PLEKHN1: variants seen among roughly 807,000 people sequenced by gnomAD.
The protein encoded by PLEKHN1 is pleckstrin homology domain containing N1.
A neutral mutation model predicts 72.8 loss-of-function variants in PLEKHN1; 68 were observed. The observed-to-expected ratio is 0.93, with a 90% CI of 0.77 to 1.14. The LOEUF (loss-of-function observed/expected upper bound fraction) is 1.14, where lower values mean the gene tolerates loss of function less well. PLEKHN1 is among the 50% of genes most tolerant of loss of function. PLEKHN1 has a pLI of 0.00. For missense variants in PLEKHN1, 1,015 were observed against 840.5 expected (o/e 1.21, Z -2.57); for synonymous variants, 454 against 371.6 (o/e 1.22, Z -2.55).
In PLEKHN1 at chr1:973,969, G is replaced by T; in HGVS notation, c.1571G>T (p.Gly524Val). 6.2e-7 allele frequency: 1 copy of T among 1,609,708 alleles called. No homozygotes were observed. ...GGCCCCTACTTGCTCTCCAAGAAGG[G>T]AGCCCTGCAGTCCAGAGCCGCTCAG... ...PAGPYLLSKK[G>V]ALQSRAAQRH... Residue 524 changes from glycine (G) to valine (V), a missense_variant, in exon 14 of 16, where the codon GGA (glycine) becomes GTA (valine). Coordinates refer to ENST00000379410, the MANE Select transcript of PLEKHN1 (RefSeq NM_032129.3).
chr1:968,246 G>C (rs945262956), intron 2 of PLEKHN1, among the ~76,000 whole-genome samples: 4 of 152,250 alleles, frequency 2.6e-5, no homozygotes, highest in African/African-American at 9.6e-5. Context: ...TCCTGGGCCT[G>C]CTCAGGGGCA....
intron 8 of PLEKHN1, 136 bp downstream of exon 8, chr1:971,540 T>A (rs1190194488): frequency 2.5e-6 from 2 of 812,484 alleles, no homozygotes; most frequent in Non-Finnish European, 4.0e-6. Context: ...CAGCCCGCGG[T>A]CCTGGTCAGT....
In PLEKHN1 at chr1:974,744, C is replaced by T. The variant is rs945400649; in HGVS notation, c.*169C>T. On this transcript the variant is annotated 3_prime_UTR_variant, in exon 16 of 16. Transcript: ENST00000379410. ...CTCAGCTCCTGTTCCTTGGTGCCAG[C>T]AGCTGGGGCAGGGAAGGGTGGGAGG... 12 of 852,606 alleles carry T rather than the reference C, an allele frequency of 1.4e-5. No homozygotes were observed. The African/African-American group carries it at 2.1e-4, about 15-fold the overall frequency. 52.8% of individuals were successfully genotyped at this position (852,606 alleles called of 1,614,324 possible).
In PLEKHN1 at chr1:966,820, C is replaced by T. The variant is rs757873932; in HGVS notation, c.183+17C>T. The T allele has an allele frequency of 1.2e-5, 18 of 1,544,940 alleles. No individual in the cohort carries two copies. The highest frequency in any genetic ancestry group is 4.8e-5 in the South Asian group (4 of 83,778). On this transcript the variant is annotated intron_variant, in intron 2 of 15. Transcript: ENST00000379410. The stretch of plus-strand genomic sequence containing the variant: ...CCGGGCACGGTGAGCGCGGCGTGCA[C>T]GGTGGCTGTGGTCTGGGAGCGTGGC...
At chr1:974,103 G>A in intron 14 of PLEKHN1, 52 bp downstream of exon 14, 1 of 1,527,442 alleles carries the variant, frequency 6.5e-7, no homozygotes, top group East Asian at 2.4e-5. Context: ...CTGGCCGGGG[G>A]TCTGGTGTGG....
In PLEKHN1 at chr1:974,477, T is replaced by C. The variant is rs1643515768; in HGVS notation, c.1738T>C (p.Tyr580His). The change falls in exon 16 of 16, where the codon TAC (tyrosine) becomes CAC (histidine). Residue 580 changes from tyrosine to histidine, a missense_variant. Transcript: ENST00000379410. ...RSPRRSRDPG[Y>H]DHLWDETLSS... is the part of the protein sequence containing the mutation. ...CCCCAGGAGGAGCCGGGACCCCGGC[T>C]ACGACCACCTCTGGGACGAGACTTT... is the stretch of plus-strand genomic sequence containing the variant. 6.2e-7 allele frequency: 1 copy of C among 1,612,682 alleles called. No homozygotes were observed. The highest frequency in any genetic ancestry group is 1.7e-5 in the Admixed American group (1 of 60,002).
chr1:968,212 A>G (rs1040060618), intron 2 of PLEKHN1, among the ~76,000 whole-genome samples: 1 of 152,238 alleles, frequency 6.6e-6, no homozygotes, highest in African/African-American at 2.4e-5. Flanking sequence ...AGGCCGGGAA[A>G]GCCATGCGTC....
intron 7 of PLEKHN1, 21 bp from the exon 8 acceptor site, chr1:971,303 A>ACGCCCCCC: frequency 1.3e-6 from 2 of 1,495,414 alleles, no homozygotes; most frequent in Non-Finnish European, 1.8e-6. Context: ...TCATCGCCTG[A>ACGCCCCCC]CCCCACCCCC....
At position 970,514 on chromosome 1, in the gene PLEKHN1, C is replaced by T. The variant is rs41285810; in HGVS notation, c.331-7C>T. On this transcript the variant is annotated splice_polypyrimidine_tract_variant and splice_region_variant and intron_variant, in intron 3 of 15. Coordinates refer to ENST00000379410, the MANE Select transcript of PLEKHN1 (RefSeq NM_032129.3). The surrounding 1 kb of genome is among the most constrained non-coding windows in gnomAD (Gnocchi z 4.2). The stretch of plus-strand genomic sequence containing the variant: ...ACTCCGCACTGACGACCCTGCTCCC[C>T]GCGCAGGATGTCAGCGACTGCTACC... The T allele has an allele frequency of 7.9e-3, 12,768 of 1,612,736 alleles. 80 individuals carry two copies. Among genetic ancestry groups the T allele is most frequent in the Non-Finnish European group, 9.7e-3 (11,424 of 1,179,588 alleles).
Position 973,899 on chromosome 1 carries a change from T to TCTGTGC in PLEKHN1, c.1505_1510dup (p.Val502_Pro503dup), listed in dbSNP as rs772402021. On this transcript the variant is annotated inframe_insertion, in exon 14 of 16. Coordinates refer to ENST00000379410, the MANE Select transcript of PLEKHN1 (RefSeq NM_032129.3). ...GAGCCCACTCCCCTCGGTGCCTGTG[T>TCTGTGC]CTGTGCCTGCCTCTGACCCTCGCTC... 6.2e-7 allele frequency: 1 copy of TCTGTGC among 1,611,310 alleles called. No homozygotes were observed. The highest frequency in any genetic ancestry group is 1.1e-5 in the South Asian group (1 of 91,018).
chr1:972,156 G>A lies in PLEKHN1; in HGVS notation c.865+6G>A, dbSNP rs970558925. The A allele has an allele frequency of 1.9e-6, 3 of 1,612,580 alleles. No individual in the cohort carries two copies. Among genetic ancestry groups the A allele is most frequent in the African/African-American group, 2.7e-5 (2 of 74,946 alleles). ...CCGCTCCTTCCTGATTGAAGGTAGG[G>A]CCCTGACCCTGGTTCTGCCTCCCGC... On this transcript the variant is annotated splice_donor_region_variant and intron_variant, in intron 9 of 15. Transcript: ENST00000379410.
chr1:967,423 C>T (rs746359660), intron 2 of PLEKHN1, among the ~76,000 whole-genome samples: 2 of 150,192 alleles, frequency 1.3e-5, no homozygotes, highest in Non-Finnish European at 3.0e-5. Context: ...CAGGGTAGAT[C>T]CCAGCCCCTT....
In PLEKHN1 at chr1:973,835, C is replaced by G. The variant is rs774665236; in HGVS notation, c.1437C>G (p.Phe479Leu). The change falls in exon 14 of 16, where the codon TTC becomes TTG. Residue 479 changes from phenylalanine to leucine, a missense_variant and splice_region_variant. Transcript: ENST00000379410. ...CCCAGCCCTGGCTCTCCCTGCAGTT[C>G]CTCAGTGCCATGCAGAGTGCACGTG... ...RVTDVRGLEE[F>L]LSAMQSARGP... 3 of 1,609,234 alleles carry G rather than the reference C, an allele frequency of 1.9e-6. No individual in the cohort carries two copies. The South Asian group carries it at 3.3e-5, about 18-fold the overall frequency.
rs764917347 is a variant in PLEKHN1, at chr1:966,536, G to A, written c.5G>A (p.Gly2Glu). Residue 2 changes from glycine to glutamate, a missense_variant, in exon 1 of 16, where the codon GGG (glycine) becomes GAG (glutamate). By Grantham distance (98) the Gly-to-Glu change is moderately conservative. Transcript: ENST00000379410. The stretch of plus-strand genomic sequence containing the variant: ...CCGACCTGTACGACTCTGGCCATGG[G>A]GAACAGCCACTGTGTCCCTCAGGCC... The part of the protein sequence containing the change: M[G>E]NSHCVPQAPR... The A allele has an allele frequency of 1.2e-6, 2 of 1,606,046 alleles. No individual in the cohort carries two copies. The highest frequency in any genetic ancestry group is 2.7e-5 in the African/African-American group (2 of 74,760).
chr1:966,766 C>T lies in PLEKHN1; in HGVS notation c.146C>T (p.Ala49Val), dbSNP rs1643007305. 4 of 1,571,688 alleles carry T rather than the reference C, an allele frequency of 2.5e-6. No homozygotes were observed. The highest frequency in any genetic ancestry group is 1.4e-5 in the African/African-American group (1 of 73,914). The part of the protein sequence containing the change: ...PGPEAARSGD[A>V]AANKLFHYIP... ...CCCGAGGCTGCTCGAAGCGGGGACG[C>T]CGCCGCCAACAAGCTCTTCCACTAC... Residue 49 changes from alanine to valine, a missense_variant, in exon 2 of 16, where the codon GCC becomes GTC. By Grantham distance (64) the Ala-to-Val change is moderately conservative. Coordinates refer to ENST00000379410, the MANE Select transcript of PLEKHN1 (RefSeq NM_032129.3).
At chr1:969,829 A>G (rs1270877716) in intron 2 of PLEKHN1, among the ~76,000 whole-genome samples, 1 of 151,880 alleles carries the variant, frequency 6.6e-6, no homozygotes, top group East Asian at 1.9e-4. Context: ...GGATGCATGC[A>G]TGTTGCCTGC....
In PLEKHN1 at chr1:968,184, G is replaced by T. The variant is rs532241873; in HGVS notation, c.183+1381G>T. On this transcript the variant is annotated intron_variant, in intron 2 of 15. Coordinates refer to ENST00000379410, the MANE Select transcript of PLEKHN1 (RefSeq NM_032129.3). ...CCCACGCTGGGTGTGGGTACAGGAG[G>T]CCCCACCCAGAGGCAGAAGGCCGGG... Among the ~76,000 whole-genome samples, 5 of 152,352 alleles carry T rather than the reference G, an allele frequency of 3.3e-5. No individual in the cohort carries two copies. The East Asian group carries it at 9.7e-4, about 29-fold the overall frequency.
chr1:969,839 C>T (rs1336172676), intron 2 of PLEKHN1, among the ~76,000 whole-genome samples: 1 of 151,786 alleles, frequency 6.6e-6, no homozygotes, highest in African/African-American at 2.4e-5. Flanking sequence ...ATGTTGCCTG[C>T]ATGTGCACGT....
chr1:971,006 G>C lies in PLEKHN1; in HGVS notation c.612G>C (p.Gln204His). The C allele has an allele frequency of 6.2e-7, 1 of 1,600,770 alleles. No homozygotes were observed. The highest frequency in any genetic ancestry group is 1.1e-5 in the South Asian group (1 of 89,554). ...GGCGCTGCCACTCGGCACCCCCACA[G>C]GTCAGTGCCGGGGACCCCACCCCCC... ...GPRRCHSAPP[Q>H]RRLTRLRTAS... The change falls in exon 6 of 16, where the codon CAG becomes CAC. Residue 204 changes from glutamine to histidine, a missense_variant and splice_region_variant. Physicochemically the swap from Gln to His is conservative, Grantham distance 24 (BLOSUM62 0). Transcript: ENST00000379410.
Sources: gnomAD v4.1 joint callset for allele counts (sites outside exome capture counted in the v4.1 genomes callset) on GRCh38, gnomAD v4.1.1 for gene constraint, Gnocchi (gnomAD v3.1) non-coding constraint, MANE v1.5 for transcripts, NCBI Gene and HGNC (gene_info 2026-07-23, HGNC 2026-07-21) for gene names.